Variants in NAA25 observed in about 807,000 individuals in gnomAD.
The protein encoded by NAA25 is N-terminal acetyltransferase B complex subunit NAA25.
Under a neutral mutation model 132.5 loss-of-function variants are expected in NAA25, and 30 were observed. The ratio of observed to expected loss-of-function variants is 0.23; its 90% CI spans 0.17 to 0.31. NAA25 has a LOEUF of 0.31. NAA25 is among the 10% of genes least tolerant of loss of function. The pLI, the probability that NAA25 is intolerant of heterozygous loss-of-function variation, is 1.00. For missense variants in NAA25, 771 were observed against 1,150.4 expected, an observed-to-expected ratio of 0.67 and a Z score of 4.77; for synonymous variants, 359 against 401.9, an observed-to-expected ratio of 0.89 and a Z score of 1.28.
At chr12:112,101,870 T>TC (rs2079301548) in intron 1 of NAA25, among the ~76,000 whole-genome samples, 1 of 146,304 alleles carries the variant, frequency 6.8e-6, no homozygotes, top group African/African-American at 2.5e-5. Context: ...CTTTTCAACT[T>TC]TTTTTTTTTT....
In NAA25 at chr12:112,054,419, C is replaced by T. The variant is rs766627751; in HGVS notation, c.1597G>A (p.Asp533Asn). ...EPVVDLYSSLDAKHIQHDTIG... is the reference protein window; with the variant it reads ...EPVVDLYSSLNAKHIQHDTIG... ...GTATCATGCTGGATATGCTTAGCAT[C>T]GAGGCTGGAGTAAAGATCCACCACT... The change falls in exon 14 of 24, where the codon GAT becomes AAT. Residue 533 changes from aspartate to asparagine, a missense_variant. Physicochemically the swap from Asp to Asn is conservative, Grantham distance 23 (BLOSUM62 1). Coordinates refer to ENST00000261745, the MANE Select transcript of NAA25 (RefSeq NM_024953.4). 5 of 1,613,952 alleles carry T rather than the reference C, an allele frequency of 3.1e-6. No individual in the cohort carries two copies. In the African/African-American group the frequency reaches 4.0e-5, roughly 13 times the overall value.
In NAA25 at chr12:112,043,651, T is replaced by C. The variant is rs1482598448; in HGVS notation, c.2224A>G (p.Lys742Glu). The C allele has an allele frequency of 6.2e-6, 10 of 1,614,090 alleles. No homozygotes were observed. The highest frequency in any genetic ancestry group is 1.3e-5 in the African/African-American group (1 of 74,942). ...TGAATATCCTTCTCAATAAATCGCT[T>C]TCCTGTCTCCAGGGTTGCCTCCAGC... Reference protein sequence around the residue: ...QQLEATLETGKRFIEKDIQYP... With the variant: ...QQLEATLETGERFIEKDIQYP... The change falls in exon 18 of 24, where the codon AAG becomes GAG. Residue 742 changes from lysine to glutamate, a missense_variant. Lys to Glu is a moderately conservative substitution (Grantham distance 56). Around this residue, in one of 3 missense-constraint regions of NAA25, gnomAD observed 324 missense variants for 400.0 expected, o/e 0.81. Coordinates refer to ENST00000261745, the MANE Select transcript of NAA25 (RefSeq NM_024953.4).
chr12:112,048,870 C>A (rs913175546), intron 15 of NAA25, among the ~76,000 whole-genome samples: 1 of 151,772 alleles, frequency 6.6e-6, no homozygotes, highest in Non-Finnish European at 1.5e-5. Context: ...ACCACCTGCC[C>A]CCCGCCCCCC....
chr12:112,029,757 G>C, intron 23 of NAA25, 104 bp from the exon 24 acceptor site: 1 of 1,485,570 alleles, frequency 6.7e-7, no homozygotes, highest in Non-Finnish European at 9.0e-7. Flanking sequence ...TGGTCTCATT[G>C]CAAGCTCCAT....
rs753716436 is a variant in NAA25, at chr12:112,071,949, A to G, written c.982T>C (p.Leu328=). The G allele has an allele frequency of 5.6e-6, 9 of 1,613,940 alleles. No homozygotes were observed. The East Asian group carries it at 6.7e-5, about 12-fold the overall frequency. The change falls in exon 10 of 24, where the codon TTG becomes CTG. Residue 328 remains leucine, a synonymous_variant. Coordinates refer to ENST00000261745, the MANE Select transcript of NAA25 (RefSeq NM_024953.4). ...CTTCGTAAACGCCTAATCAGCTCCA[A>G]TTTAGCTAGATGTGGTCCTCGGAGA... ...RHLRGPHLAK[L]ELIRRLRSQG...
intron 11 of NAA25, among the ~76,000 whole-genome samples, chr12:112,062,663 T>C (rs1431623440): frequency 1.3e-5 from 2 of 151,574 alleles, no homozygotes; most frequent in Non-Finnish European, 2.9e-5. Flanking sequence ...GAGGCGGTGG[T>C]TGCAGTGAGC....
intron 11 of NAA25, among the ~76,000 whole-genome samples, chr12:112,063,320 T>C (rs950766063): frequency 1.3e-5 from 2 of 152,150 alleles, no homozygotes; most frequent in Admixed American, 1.3e-4. Flanking sequence ...AAATAGAATA[T>C]ATTAATTTCT....
intron 17 of NAA25, among the ~76,000 whole-genome samples, chr12:112,045,416 G>A (rs529529557): frequency 7.2e-5 from 11 of 151,940 alleles, no homozygotes; most frequent in Non-Finnish European, 1.6e-4. Context: ...GAACCCGGGA[G>A]GCGGAGGTTG....
At chr12:112,068,167 T>A (rs1593791500) in intron 11 of NAA25, among the ~76,000 whole-genome samples, 1 of 152,134 alleles carries the variant, frequency 6.6e-6, no homozygotes, top group African/African-American at 2.4e-5. Flanking sequence ...GTCTCCCAAG[T>A]AGCTGGGGAC....
chr12:112,046,401 T>C (rs1317954742), intron 17 of NAA25, among the ~76,000 whole-genome samples: 1 of 152,222 alleles, frequency 6.6e-6, no homozygotes, highest in Non-Finnish European at 1.5e-5. Flanking sequence ...ATGTGTCCTT[T>C]CACTGTAATA....
At chr12:112,032,160 G>T (rs902628617) in intron 23 of NAA25, among the ~76,000 whole-genome samples, 11 of 151,954 alleles carry the variant, frequency 7.2e-5, no homozygotes, top group African/African-American at 2.7e-4. Context: ...TAGAGACAGC[G>T]TTTCACCGTG....
At chr12:112,099,994 C>G (rs1292684741) in intron 1 of NAA25, among the ~76,000 whole-genome samples, 4 of 152,106 alleles carry the variant, frequency 2.6e-5, no homozygotes, top group African/African-American at 9.7e-5. Context: ...CTTAAAAATT[C>G]TAAAAGTTGG....
chr12:112,067,502 A>G (rs2136875255), intron 11 of NAA25, among the ~76,000 whole-genome samples: 1 of 152,186 alleles, frequency 6.6e-6, no homozygotes, highest in Middle Eastern at 3.4e-3. Flanking sequence ...TGAGGTCGGG[A>G]GTTCGAGACC....
chr12:112,089,028 A>G (rs1214571975), intron 3 of NAA25, among the ~76,000 whole-genome samples: 1 of 152,218 alleles, frequency 6.6e-6, no homozygotes, highest in Non-Finnish European at 1.5e-5. Context: ...AGAAGAATCC[A>G]TATCCCTAAA....
At position 112,029,225 on chromosome 12, in the gene NAA25, G is replaced by A. The variant is rs1051571661; in HGVS notation, c.*306C>T. On this transcript the variant is annotated 3_prime_UTR_variant, in exon 24 of 24. Transcript: ENST00000261745. The stretch of plus-strand genomic sequence containing the variant: ...CTATTGCTGTTTTTATAGACCCCCC[G>A]CTCCCCTGAAAAGATGTTTCTGGTG... 1.6e-5 allele frequency: 5 copies of A among 304,370 alleles called. No individual in the cohort carries two copies. Among genetic ancestry groups the A allele is most frequent in the South Asian group, 5.3e-5 (1 of 18,774 alleles). 18.9% of individuals were successfully genotyped at this position (304,370 alleles called of 1,614,324 possible). A position where few individuals can be genotyped will look rare whatever the true frequency, so the allele number is the denominator to read the frequency against.
intron 1 of NAA25, among the ~76,000 whole-genome samples, chr12:112,106,449 T>C (rs1268093299): frequency 1.3e-5 from 2 of 152,058 alleles, no homozygotes; most frequent in Non-Finnish European, 2.9e-5. Flanking sequence ...TCACAAACTA[T>C]GAACCCTGGA....
chr12:112,062,398 C>T (rs969944023), intron 11 of NAA25, among the ~76,000 whole-genome samples: 5 of 136,256 alleles, frequency 3.7e-5, no homozygotes, highest in African/African-American at 1.4e-4. Context: ...GAGACTCCAT[C>T]TCAAAAAAAA....
intron 20 of NAA25, 39 bp downstream of exon 20, chr12:112,042,000 C>G: frequency 8.2e-7 from 1 of 1,219,566 alleles, no homozygotes; most frequent in Non-Finnish European, 1.1e-6. Context: ...TGCCATACAA[C>G]CAGATACAAA....
intron 4 of NAA25, 34 bp from the exon 5 acceptor site, chr12:112,081,168 A>G: frequency 9.0e-6 from 14 of 1,550,512 alleles, no homozygotes; most frequent in Non-Finnish European, 1.2e-5. Context: ...TATTTAGAAA[A>G]CACCATACAG....
Sources: allele counts gnomAD v4.1 joint callset (sites outside exome capture counted in the v4.1 genomes callset), GRCh38; gene constraint gnomAD v4.1.1; regional missense constraint gnomAD v4.1.1; transcripts MANE v1.5; gene names NCBI Gene and HGNC (gene_info 2026-07-23, HGNC 2026-07-21).